The following DGKG variants were observed in gnomAD, a reference collection of about 807,000 sequenced individuals.
The protein encoded by DGKG is diacylglycerol kinase gamma, also known as DAG kinase gamma.
In DGKG, 78 loss-of-function variants were observed where a neutral mutation model predicts 105.3. That is an observed-to-expected ratio of 0.74 (90% confidence interval 0.62 to 0.89). DGKG has a LOEUF of 0.89. Among genes scored for constraint, DGKG ranks in the 40% least tolerant of loss-of-function variants. The probability of loss-of-function intolerance (pLI) is 0.00; values close to 1 mark genes in which losing one functional copy is unlikely to be tolerated. For missense variants in DGKG, 958 were observed against 1,020.1 expected, an observed-to-expected ratio of 0.94 and a Z score of 0.83; for synonymous variants, 346 against 367.1, an observed-to-expected ratio of 0.94 and a Z score of 0.66.
intron 24 of DGKG, chr3:186,161,098 C>A: frequency 1.0e-6 from 1 of 987,394 alleles, no homozygotes; most frequent in Non-Finnish European, 1.2e-6. Context: ...GGTGCACCGA[C>A]TGGGAGGCAT....
chr3:186,241,636 T>C (rs1720691355), intron 20 of DGKG, among the ~76,000 whole-genome samples: 1 of 152,030 alleles, frequency 6.6e-6, no homozygotes, highest in South Asian at 2.1e-4. Flanking sequence ...AAAAACAAAG[T>C]CCAAATCATT....
intron 23 of DGKG, among the ~76,000 whole-genome samples, chr3:186,164,056 T>C (rs1716421866): frequency 1.3e-5 from 2 of 152,198 alleles, no homozygotes; most frequent in South Asian, 4.1e-4. Context: ...TGCAGTGTGG[T>C]GCCAAGGGCA....
chr3:186,265,209 C>T (rs1487064937), intron 14 of DGKG, 38 bp downstream of exon 14: 2 of 1,609,132 alleles, frequency 1.2e-6, no homozygotes, highest in Admixed American at 1.7e-5. Context: ...CCTGGAACAA[C>T]TTAGAAGGTG....
intron 20 of DGKG, among the ~76,000 whole-genome samples, chr3:186,235,047 A>T (rs1007899680): frequency 6.6e-6 from 1 of 152,208 alleles, no homozygotes; most frequent in Non-Finnish European, 1.5e-5. Context: ...GATGAAAAAA[A>T]CATGAACCCA....
chr3:186,319,181 C>T (rs577314180), intron 2 of DGKG, among the ~76,000 whole-genome samples: 149 of 152,312 alleles, frequency 9.8e-4, no homozygotes, highest in African/African-American at 3.4e-3. Flanking sequence ...AGACCACAGG[C>T]TCTAGAGTAC....
intron 6 of DGKG, among the ~76,000 whole-genome samples, chr3:186,288,370 A>G (rs996515687): frequency 1.3e-5 from 2 of 152,176 alleles, no homozygotes; most frequent in Admixed American, 1.3e-4. Flanking sequence ...TATTAAGAGG[A>G]GGTAGCAGTT....
chr3:186,281,125 C>T (rs1197651315), intron 7 of DGKG: 3 of 178,474 alleles, frequency 1.7e-5, no homozygotes, highest in African/African-American at 7.0e-5. Flanking sequence ...CACTTCTTAT[C>T]ACTCATCCCC....
intron 20 of DGKG, among the ~76,000 whole-genome samples, chr3:186,216,335 G>A (rs983026403): frequency 3.3e-5 from 5 of 151,936 alleles, no homozygotes; most frequent in African/African-American, 1.2e-4. Flanking sequence ...ACCTAAGATT[G>A]AACCTCTGAC....
rs117269811 is a variant in DGKG at position 186,147,999 on chromosome 3, C to G, written c.*2091G>C. The G allele has an allele frequency of 1.0e-6, 1 of 985,462 alleles. No individual in the cohort carries two copies. The highest frequency in any genetic ancestry group is 1.2e-6 in the Non-Finnish European group (1 of 829,960). The allele number at this position is 985,462 out of a possible 1,614,324, so 61.0% of individuals were successfully genotyped here. ...AAGATCTTGCTCCTAGGTGGTCCTT[C>G]ACAGTTAAGTGCCATTTGTACACAC... is the stretch of plus-strand genomic sequence containing the variant. On this transcript the variant is annotated 3_prime_UTR_variant, in exon 25 of 25. Transcript: ENST00000265022.
chr3:186,206,477 G>A (rs966766429), intron 21 of DGKG, among the ~76,000 whole-genome samples: 25 of 152,054 alleles, frequency 1.6e-4, no homozygotes, highest in Admixed American at 6.6e-4. Flanking sequence ...TGTAAAATAA[G>A]TGCTTGAGTT....
chr3:186,194,836 G>A (rs979241021), intron 21 of DGKG, among the ~76,000 whole-genome samples: 1 of 140,710 alleles, frequency 7.1e-6, no homozygotes, highest in African/African-American at 3.1e-5. Context: ...GGGCAAGGTG[G>A]CTCATGCCTG....
rs34393958 is a variant in DGKG, at chr3:186,257,681, C to CTTT, written c.1510+170_1510+172dup. ...AGGGAATCATTCGATTGTCTTATTT[C>CTTT]TTTTTTTTTTTTTTTTCCACCCAAA... On this transcript the variant is annotated intron_variant, in intron 17 of 24. Coordinates refer to ENST00000265022, the MANE Select transcript of DGKG (RefSeq NM_001346.3). 4.8e-3 allele frequency: 2,214 copies of CTTT among 461,554 alleles called. 1 individual carries two copies. Among genetic ancestry groups the CTTT allele is most frequent in the African/African-American group, 0.018 (868 of 48,076 alleles). The allele number at this position is 461,554 out of a possible 1,614,324, so 28.6% of individuals were successfully genotyped here. A position where few individuals can be genotyped will look rare whatever the true frequency, so the allele number is the denominator to read the frequency against.
At chr3:186,313,554 G>C (rs1000617890) in intron 2 of DGKG, 1 of 984,482 alleles carries the variant, frequency 1.0e-6, no homozygotes, top group African/African-American at 1.7e-5. Flanking sequence ...GGACCATCTT[G>C]CAACTAAAAG....
chr3:186,256,061 G>C (rs1236517458), intron 17 of DGKG, among the ~76,000 whole-genome samples: 6 of 152,074 alleles, frequency 3.9e-5, no homozygotes, highest in African/African-American at 1.2e-4. Context: ...GGTGGAGAGG[G>C]AGCCGTGTGA....
chr3:186,165,603 T>C (rs1716502700), intron 22 of DGKG, among the ~76,000 whole-genome samples: 1 of 152,112 alleles, frequency 6.6e-6, no homozygotes, highest in African/African-American at 2.4e-5. Flanking sequence ...GAAAAGAACA[T>C]TTCACCAACA....
intron 3 of DGKG, among the ~76,000 whole-genome samples, chr3:186,303,759 C>G (rs1336094535): frequency 2.6e-5 from 4 of 152,160 alleles, no homozygotes; most frequent in Non-Finnish European, 4.4e-5. Context: ...TCACTTGGTA[C>G]TGATGGGCAA....
At chr3:186,261,492 G>A (rs546262841) in intron 15 of DGKG, among the ~76,000 whole-genome samples, 2 of 152,316 alleles carry the variant, frequency 1.3e-5, no homozygotes, top group African/African-American at 4.8e-5. Context: ...CCTGTGAGAG[G>A]AGGAATGATA....
Position 186,163,303 on chromosome 3 carries a change from G to A in DGKG, c.2216+1595C>T, listed in dbSNP as rs192671882. On this transcript the variant is annotated intron_variant, in intron 23 of 24. Coordinates refer to ENST00000265022, the MANE Select transcript of DGKG (RefSeq NM_001346.3). ...TTACAGACGTGAGCCACCACAGCCCGCCATAGGTTTTAAAAGGAGAGAGAT... is the reference window on the plus strand; with the variant it reads ...TTACAGACGTGAGCCACCACAGCCCACCATAGGTTTTAAAAGGAGAGAGAT... Among the ~76,000 whole-genome samples, 246 of 152,228 alleles carry A rather than the reference G, an allele frequency of 1.6e-3. 2 individuals are homozygous for A. The highest frequency in any genetic ancestry group is 5.6e-3 in the African/African-American group (233 of 41,534).
At chr3:186,342,837 G>T (rs1024559984) in intron 1 of DGKG, among the ~76,000 whole-genome samples, 1 of 151,948 alleles carries the variant, frequency 6.6e-6, no homozygotes. Context: ...ATGGGGAAGC[G>T]TTCAAAAATC....
Sources: allele counts gnomAD v4.1 joint callset (sites outside exome capture counted in the v4.1 genomes callset), GRCh38; gene constraint gnomAD v4.1.1; transcripts MANE v1.5; gene names NCBI Gene and HGNC (gene_info 2026-07-23, HGNC 2026-07-21).